Variants in BRSK2 observed in about 807,000 individuals in gnomAD.
BRSK2 encodes the protein serine/threonine-protein kinase BRSK2.
Under a neutral mutation model 83.3 loss-of-function variants are expected in BRSK2, and 19 were observed. The observed-to-expected ratio is 0.23, with a 90% confidence interval of 0.16 to 0.33. BRSK2 has a LOEUF of 0.33. BRSK2 is among the 10% of genes least tolerant of loss of function. The probability of loss-of-function intolerance (pLI) is 1.00; values close to 1 mark genes in which losing one functional copy is unlikely to be tolerated. For missense variants in BRSK2, 798 were observed against 1,042.3 expected (o/e 0.77, Z 3.23); for synonymous variants, 519 against 435.4 (o/e 1.19, Z -2.39).
chr11:1,402,737 C>G (rs1846569415), intron 1 of BRSK2, among the ~76,000 whole-genome samples: 1 of 152,200 alleles, frequency 6.6e-6, no homozygotes, highest in South Asian at 2.1e-4. Flanking sequence ...GCCCCTCACT[C>G]AGGGACACAG....
At chr11:1,418,234 G>A (rs1440033517) in intron 1 of BRSK2, among the ~76,000 whole-genome samples, 8 of 148,548 alleles carry the variant, frequency 5.4e-5, no homozygotes, top group Admixed American at 5.3e-4. Flanking sequence ...CTTGAGAGTG[G>A]GTCACACTGT....
intron 1 of BRSK2, among the ~76,000 whole-genome samples, chr11:1,392,746 C>T (rs1311926404): frequency 9.9e-5 from 15 of 152,264 alleles, no homozygotes; most frequent in Admixed American, 9.2e-4. Flanking sequence ...CGGCTGTCTT[C>T]TTCTGCCTTT....
intron 1 of BRSK2, among the ~76,000 whole-genome samples, chr11:1,395,941 T>TG (rs769103650): frequency 2.6e-5 from 4 of 152,220 alleles, no homozygotes; most frequent in Non-Finnish European, 4.4e-5. Context: ...TGGGCTGTGA[T>TG]GTGAGGTTGG....
intron 1 of BRSK2, among the ~76,000 whole-genome samples, chr11:1,393,826 G>T (rs1438608910): frequency 1.3e-5 from 2 of 152,252 alleles, no homozygotes; most frequent in Non-Finnish European, 2.9e-5. Flanking sequence ...GAGCAGGACG[G>T]GCAGCGATGG....
intron 2 of BRSK2, among the ~76,000 whole-genome samples, chr11:1,437,752 C>T (rs548901715): frequency 3.8e-4 from 58 of 152,346 alleles, no homozygotes; most frequent in Middle Eastern, 6.8e-3. Flanking sequence ...CCAGGCACAG[C>T]CTGCCTGGAA....
intron 12 of BRSK2, chr11:1,447,671 G>A (rs929047289): frequency 3.3e-5 from 28 of 846,338 alleles, no homozygotes; most frequent in Admixed American, 4.1e-5. Context: ...CTCCTCTCTC[G>A]CCATCTTTGT....
chr11:1,436,121 C>T lies in BRSK2; in HGVS notation c.173C>T (p.Ser58Leu), dbSNP rs766693701. 18 of 1,325,414 alleles carry T rather than the reference C, an allele frequency of 1.4e-5. No homozygotes were observed. Among genetic ancestry groups the T allele is most frequent in the South Asian group, 3.6e-5 (3 of 82,692 alleles). The allele number at this position is 1,325,414 out of a possible 1,614,324, so 82.1% of individuals were successfully genotyped here. ...GTCAACCGTGAGAAGCTCAGCGAGT[C>T]GGTGCTGATGAAGGTGGGTGGGGCC... is the stretch of plus-strand genomic sequence containing the variant. ...KIVNREKLSE[S>L]VLMKVEREIA... The change falls in exon 2 of 20, where the codon TCG (serine) becomes TTG (leucine). Residue 58 changes from serine to leucine, a missense_variant. Ser to Leu is a moderately radical substitution (Grantham distance 145, BLOSUM62 -2). This residue lies in a region of BRSK2 where 109 missense variants were observed against 259.2 expected (regional missense o/e 0.42). Coordinates refer to ENST00000528841, the MANE Select transcript of BRSK2 (RefSeq NM_001256627.2).
At chr11:1,457,985 C>T (rs1283158678) in intron 18 of BRSK2, among the ~76,000 whole-genome samples, 1 of 152,188 alleles carries the variant, frequency 6.6e-6, no homozygotes, top group Admixed American at 6.5e-5. Flanking sequence ...ACACGTGGCG[C>T]TTCCCTACAG....
Position 1,444,999 on chromosome 11 carries a change from A to T in BRSK2, c.809A>T (p.Tyr270Phe). 1 of 1,612,582 alleles carries T rather than the reference A, an allele frequency of 6.2e-7. No homozygotes were observed. Among genetic ancestry groups the T allele is most frequent in the Non-Finnish European group, 8.5e-7 (1 of 1,178,804 alleles). Residue 270 changes from tyrosine to phenylalanine, a missense_variant, in exon 9 of 20, where the codon TAT (tyrosine) becomes TTT (phenylalanine). This residue lies in a region of BRSK2 where 145 missense variants were observed against 225.4 expected (regional missense o/e 0.64). Transcript: ENST00000528841. Reference protein sequence around the residue: ...TLEHIQKHIWYIGGKNEPEPE... With the variant: ...TLEHIQKHIWFIGGKNEPEPE... ...GAGCACATTCAGAAACACATATGGT[A>T]TATGTAAGTAGCTTTTCCACCCACT... is the stretch of plus-strand genomic sequence containing the variant.
Position 1,451,368 on chromosome 11 carries a change from C to T in BRSK2, c.1496-3C>T, listed in dbSNP as rs1243656362. 1 of 1,612,976 alleles carries T rather than the reference C, an allele frequency of 6.2e-7. No individual in the cohort carries two copies. Among genetic ancestry groups the T allele is most frequent in the South Asian group, 1.1e-5 (1 of 91,086 alleles). On this transcript the variant is annotated splice_region_variant and splice_polypyrimidine_tract_variant and intron_variant, in intron 14 of 19. Coordinates refer to ENST00000528841, the MANE Select transcript of BRSK2 (RefSeq NM_001256627.2). ...TTTCCTCCTGTTCATCCTGTGTGCA[C>T]AGTTCCGACGCCGGAGGAGATGTCC...
intron 1 of BRSK2, among the ~76,000 whole-genome samples, chr11:1,429,093 T>C (rs12221827): frequency 0.37 from 54,310 of 145,302 alleles, 10,350 homozygotes; most frequent in African/African-American, 0.49. Flanking sequence ...CCTGGGTGCG[T>C]GCATGTGTGC....
Position 1,411,479 on chromosome 11 carries a change from C to G in BRSK2, c.91+21104C>G, listed in dbSNP as rs766804290. 15 of 1,481,442 alleles carry G rather than the reference C, an allele frequency of 1.0e-5. No homozygotes were observed. In the East Asian group the frequency reaches 3.5e-4, roughly 34 times the overall value. The allele number at this position is 1,481,442 out of a possible 1,614,324, so 91.8% of individuals were successfully genotyped here. A position where few individuals can be genotyped will look rare whatever the true frequency, so the allele number is the denominator to read the frequency against. ...GCATCTGTCCTTCCTCCCTCTGCTC[C>G]CCAAGAGAGCCCAGGTCTGGCCCAG... On this transcript the variant is annotated intron_variant, in intron 1 of 19. Coordinates refer to ENST00000528841, the MANE Select transcript of BRSK2 (RefSeq NM_001256627.2).
At chr11:1,457,438 C>T (rs1477922760) in intron 18 of BRSK2, among the ~76,000 whole-genome samples, 1 of 133,064 alleles carries the variant, frequency 7.5e-6, no homozygotes, top group Non-Finnish European at 1.6e-5. Context: ...CCTGGAACCA[C>T]CAGGGTCTAG....
chr11:1,451,822 A>G (rs73411405), intron 15 of BRSK2, among the ~76,000 whole-genome samples: 32,691 of 152,034 alleles, frequency 0.22, 3,887 homozygotes, highest in Middle Eastern at 0.33. Flanking sequence ...GCAGGGGCGG[A>G]GCGGAGCAGC....
chr11:1,439,869 T>C (rs557962969), intron 3 of BRSK2, among the ~76,000 whole-genome samples: 205 of 133,958 alleles, frequency 1.5e-3, no homozygotes, highest in Middle Eastern at 4.2e-3. Context: ...GGGCTTCATA[T>C]CTTCCCCTGC....
chr11:1,449,963 C>T (rs561411766), intron 13 of BRSK2, 127 bp downstream of exon 13: 139 of 650,744 alleles, frequency 2.1e-4, no homozygotes, highest in African/African-American at 1.1e-3. Context: ...CCCATGCCCA[C>T]GCTCCTGTGG....
chr11:1,424,789 C>T (rs1849010353), intron 1 of BRSK2, among the ~76,000 whole-genome samples: 2 of 151,800 alleles, frequency 1.3e-5, no homozygotes. Context: ...TGGACCTGGG[C>T]CTCTGCCAGG....
At chr11:1,451,224 G>C in intron 14 of BRSK2, 147 bp from the exon 15 acceptor site, 1 of 905,170 alleles carries the variant, frequency 1.1e-6, no homozygotes, top group Non-Finnish European at 1.7e-6. Flanking sequence ...GTGGCCGGGA[G>C]CTGGGGTGGA....
At chr11:1,447,886 C>G (rs780843204) in intron 12 of BRSK2, 2 of 1,581,682 alleles carry the variant, frequency 1.3e-6, no homozygotes, top group Non-Finnish European at 1.7e-6. Context: ...ACCACCCGTC[C>G]CCGCACCTCC....
Sources: gnomAD v4.1 joint callset for allele counts (sites outside exome capture counted in the v4.1 genomes callset) on GRCh38, gnomAD v4.1.1 for gene constraint, gnomAD v4.1.1 regional missense constraint, MANE v1.5 for transcripts, NCBI Gene and HGNC (gene_info 2026-07-23, HGNC 2026-07-21) for gene names.